STRBP: variants seen among roughly 807,000 people sequenced by gnomAD.
The protein encoded by STRBP is spermatid perinuclear RNA binding protein.
A neutral mutation model predicts 80.1 loss-of-function variants in STRBP; 13 were observed. The ratio of observed to expected loss-of-function variants is 0.16; its 90% CI spans 0.11 to 0.26. The LOEUF (loss-of-function observed/expected upper bound fraction) is 0.26, where lower values mean the gene tolerates loss of function less well. Ranked by LOEUF, STRBP falls within the 10% of genes least tolerant of loss-of-function variation. The pLI, the probability that STRBP is intolerant of heterozygous loss-of-function variation, is 1.00. For missense variants in STRBP, 485 were observed against 815.2 expected (o/e 0.59, Z 4.93); for synonymous variants, 284 against 291.2 (o/e 0.98, Z 0.25).
At chr9:123,190,661 A>G (rs1489861634) in intron 2 of STRBP, among the ~76,000 whole-genome samples, 1 of 152,234 alleles carries the variant, frequency 6.6e-6, no homozygotes, top group Non-Finnish European at 1.5e-5. Context: ...TCTTTTCTCA[A>G]TTAACGGTAT....
chr9:123,208,856 A>C (rs1369213533), intron 2 of STRBP, among the ~76,000 whole-genome samples: 1 of 152,180 alleles, frequency 6.6e-6, no homozygotes, highest in East Asian at 1.9e-4. Flanking sequence ...AGAGACTCAC[A>C]AACAAACATT....
intron 8 of STRBP, 36 bp downstream of exon 8, chr9:123,160,331 T>C: frequency 6.8e-7 from 1 of 1,463,646 alleles, no homozygotes; most frequent in South Asian, 1.4e-5. Flanking sequence ...CTGCTACAGC[T>C]TCCAAATTTG....
rs557651470 is a variant in STRBP at position 123,241,951 on chromosome 9, C to T, written c.-301-4985G>A. On this transcript the variant is annotated intron_variant, in intron 1 of 18. Coordinates refer to ENST00000348403, the MANE Select transcript of STRBP (RefSeq NM_018387.5). ...TCACCAACCTCATTTGTACTACTCT[C>T]CCTCTTGTTCATTACACTCCAGACA... is the stretch of plus-strand genomic sequence containing the variant. Among the ~76,000 whole-genome samples the T allele has an allele frequency of 4.1e-4, 62 of 152,330 alleles. No homozygotes were observed. The East Asian group carries it at 0.012, about 28-fold the overall frequency.
At chr9:123,181,669 G>A (rs2038462053) in intron 3 of STRBP, among the ~76,000 whole-genome samples, 1 of 151,720 alleles carries the variant, frequency 6.6e-6, no homozygotes, top group East Asian at 1.9e-4. Flanking sequence ...GGTGGTTGGT[G>A]CATGCCTGTA....
At chr9:123,189,428 T>C (rs933408656) in intron 2 of STRBP, among the ~76,000 whole-genome samples, 3 of 151,106 alleles carry the variant, frequency 2.0e-5, no homozygotes, top group African/African-American at 7.3e-5. Flanking sequence ...AACCTGCACG[T>C]TGTGCACATG....
intron 1 of STRBP, among the ~76,000 whole-genome samples, chr9:123,267,929 C>G (rs1264310894): frequency 6.6e-6 from 1 of 150,882 alleles, no homozygotes; most frequent in Non-Finnish European, 1.5e-5. Flanking sequence ...CCCAGGGGGC[C>G]CCCCAAACCT....
intron 7 of STRBP, among the ~76,000 whole-genome samples, 176 bp downstream of exon 7, chr9:123,160,801 C>T (rs1163838497): frequency 2.0e-5 from 3 of 152,146 alleles, no homozygotes; most frequent in Non-Finnish European, 4.4e-5. Context: ...ACATCATGAA[C>T]TATAGAAGCT....
rs768403221 is a variant in STRBP, at chr9:123,139,555, T to C, written c.1471A>G (p.Thr491Ala). 3 of 1,611,938 alleles carry C rather than the reference T, an allele frequency of 1.9e-6. No individual in the cohort carries two copies. Among genetic ancestry groups the C allele is most frequent in the Non-Finnish European group, 2.5e-6 (3 of 1,179,448 alleles). ...TCTAAGGTACTGGAGGTTTCAGTTG[T>C]AGAATTTCCAGTATTATTGCTTGAG... is the stretch of plus-strand genomic sequence containing the variant. ...SNSSNNTGNSTTETSSTLEVR... is the reference protein window; with the variant it reads ...SNSSNNTGNSATETSSTLEVR... The change falls in exon 14 of 19, where the codon ACA becomes GCA. Residue 491 changes from threonine to alanine, a missense_variant. This residue lies in a region of STRBP where 377 missense variants were observed against 616.1 expected (regional missense o/e 0.61). Coordinates refer to ENST00000348403, the MANE Select transcript of STRBP (RefSeq NM_018387.5).
chr9:123,132,874 G>A lies in STRBP; in HGVS notation c.1868C>T (p.Ala623Val), dbSNP rs750032338. The A allele has an allele frequency of 4.3e-6, 7 of 1,613,864 alleles. No individual in the cohort carries two copies. The highest frequency in any genetic ancestry group is 5.1e-6 in the Non-Finnish European group (6 of 1,179,958). The change falls in exon 17 of 19, where the codon GCG becomes GTG. Residue 623 changes from alanine to valine, a missense_variant. Transcript: ENST00000348403. Reference sequence around the variant, plus strand: ...AGCTATGTAGCCAGGAGCAGCTGTCGCCCCAACAAAAGCTCCCCTTGTTAG... The same window carrying A: ...AGCTATGTAGCCAGGAGCAGCTGTCACCCCAACAAAAGCTCCCCTTGTTAG... ...GTLTRGAFVG[A>V]TAAPGYIAPG...
At chr9:123,160,544 G>T in intron 7 of STRBP, 82 bp from the exon 8 acceptor site, 1 of 1,016,926 alleles carries the variant, frequency 9.8e-7, no homozygotes, top group Non-Finnish European at 1.4e-6. Flanking sequence ...TGAATACTAA[G>T]TAGCAAATTA....
At chr9:123,119,135 T>C (rs186567117), downstream of STRBP, among the ~76,000 whole-genome samples, 2 of 152,254 alleles carry the variant, frequency 1.3e-5, no homozygotes. Context: ...TAGGAGTGCT[T>C]TTCACTGAAG....
chr9:123,186,800 T>C (rs1429901706), intron 2 of STRBP, among the ~76,000 whole-genome samples: 1 of 137,306 alleles, frequency 7.3e-6, no homozygotes, highest in Non-Finnish European at 1.6e-5. Flanking sequence ...GAAACTACAA[T>C]AGCTTTTAAG....
At chr9:123,109,931 T>C (rs1211734582) in intron 3 of STRBP, 7 of 152,212 alleles carry the variant, frequency 4.6e-5, no homozygotes, top group Admixed American at 3.3e-4. Context: ...AGTAAATAGA[T>C]ACATGATAGA....
At chr9:123,171,148 G>T (rs2037989230) in intron 5 of STRBP, among the ~76,000 whole-genome samples, 1 of 152,122 alleles carries the variant, frequency 6.6e-6, no homozygotes, top group Non-Finnish European at 1.5e-5. Flanking sequence ...GTCTATCAAA[G>T]AATAAATTGA....
intron 12 of STRBP, 59 bp downstream of exon 12, chr9:123,147,719 C>G: frequency 4.7e-5 from 30 of 632,220 alleles, no homozygotes; most frequent in Non-Finnish European, 6.8e-5. Flanking sequence ...TTTAATTTTT[C>G]TATCTGAAGC....
intron 2 of STRBP, among the ~76,000 whole-genome samples, chr9:123,214,276 C>A (rs2039819322): frequency 6.6e-6 from 1 of 151,946 alleles, no homozygotes; most frequent in Non-Finnish European, 1.5e-5. Context: ...TGAAGTAACT[C>A]AGGAATGGAA....
At chr9:123,160,320 T>C (rs1372379985) in intron 8 of STRBP, 47 bp downstream of exon 8, 1 of 1,393,238 alleles carries the variant, frequency 7.2e-7, no homozygotes, top group East Asian at 2.5e-5. Flanking sequence ...CAGGATTTTC[T>C]CTGCTACAGC....
intron 2 of STRBP, among the ~76,000 whole-genome samples, chr9:123,195,653 C>T (rs2039066104): frequency 6.6e-6 from 1 of 152,046 alleles, no homozygotes; most frequent in Non-Finnish European, 1.5e-5. Flanking sequence ...AGTGAAAGAT[C>T]TCTACAATGA....
intron 1 of STRBP, among the ~76,000 whole-genome samples, chr9:123,255,544 CA>C (rs752536995): frequency 6.6e-6 from 1 of 152,174 alleles, no homozygotes; most frequent in Non-Finnish European, 1.5e-5. Context: ...ACTGAGAATA[CA>C]TAGTGTTTTT....
Sources: allele counts gnomAD v4.1 joint callset (sites outside exome capture counted in the v4.1 genomes callset), GRCh38; gene constraint gnomAD v4.1.1; regional missense constraint gnomAD v4.1.1; transcripts MANE v1.5; gene names NCBI Gene and HGNC (gene_info 2026-07-23, HGNC 2026-07-21).